Variants in VMP1 observed in about 807,000 individuals in gnomAD.
VMP1 encodes the protein ectopic P-granules autophagy protein 3 homolog.
VMP1 carries 11 observed loss-of-function variants against 56.0 expected under a neutral mutation model. The observed-to-expected ratio is 0.20, with a 90% CI of 0.12 to 0.32. VMP1 has a LOEUF of 0.32. Ranked by LOEUF, VMP1 falls within the 10% of genes least tolerant of loss-of-function variation. VMP1 has a pLI of 1.00. For synonymous variants in VMP1, 149 were observed against 165.0 expected (o/e 0.90, Z 0.74); for missense variants, 296 against 490.3 (o/e 0.60, Z 3.74).
intron 7 of VMP1, among the ~76,000 whole-genome samples, chr17:59,782,054 A>G (rs1277843669): frequency 6.6e-6 from 1 of 152,084 alleles, no homozygotes; most frequent in Non-Finnish European, 1.5e-5. Flanking sequence ...GATTACAGGC[A>G]CATGTCACCA....
intron 7 of VMP1, among the ~76,000 whole-genome samples, chr17:59,785,746 A>G: frequency 6.6e-6 from 1 of 151,208 alleles, no homozygotes; most frequent in Non-Finnish European, 1.5e-5. Flanking sequence ...CTATTTTCAT[A>G]TCAATTAGCT....
intron 5 of VMP1, among the ~76,000 whole-genome samples, chr17:59,748,631 A>G (rs1022439783): frequency 1.4e-4 from 21 of 152,240 alleles, no homozygotes; most frequent in Admixed American, 1.2e-3. Flanking sequence ...AAGGTATTCA[A>G]TAAATGATTG....
At chr17:59,817,296 A>G (rs1363324933) in intron 9 of VMP1, among the ~76,000 whole-genome samples, 1 of 151,110 alleles carries the variant, frequency 6.6e-6, no homozygotes, top group Non-Finnish European at 1.5e-5. Context: ...AAAAAAAAAA[A>G]AAAAAAAAGG....
intron 5 of VMP1, among the ~76,000 whole-genome samples, chr17:59,742,271 G>T (rs561781705): frequency 6.6e-6 from 1 of 152,162 alleles, no homozygotes; most frequent in African/African-American, 2.4e-5. Flanking sequence ...GCTTTGGGAG[G>T]CCAAGGCAGG....
At chr17:59,713,683 CTTT>C (rs3064256) in intron 1 of VMP1, among the ~76,000 whole-genome samples, 13,625 of 108,658 alleles carry the variant, frequency 0.13, 850 homozygotes, top group East Asian at 0.42. Context: ...CCCCATCTCT[CTTT>C]TTTTTTTTTT....
At chr17:59,709,732 G>T (rs923854058) in intron 1 of VMP1, among the ~76,000 whole-genome samples, 3 of 152,058 alleles carry the variant, frequency 2.0e-5, no homozygotes, top group African/African-American at 4.8e-5. Flanking sequence ...TAATAAATAG[G>T]TTCCTGGAAA....
At chr17:59,797,612 C>T (rs2037490212) in intron 7 of VMP1, among the ~76,000 whole-genome samples, 1 of 152,302 alleles carries the variant, frequency 6.6e-6, no homozygotes, top group East Asian at 1.9e-4. Flanking sequence ...CACAGTGGCT[C>T]ACGCCTGTAA....
At position 59,771,842 on chromosome 17, in the gene VMP1, A is replaced by G. The variant is rs531979338; in HGVS notation, c.583-1912A>G. Among the ~76,000 whole-genome samples, 13 of 151,020 alleles carry G rather than the reference A, an allele frequency of 8.6e-5. No homozygotes were observed. In the East Asian group the frequency reaches 2.5e-3, roughly 29 times the overall value. On this transcript the variant is annotated intron_variant, in intron 6 of 11. Coordinates refer to ENST00000262291, the MANE Select transcript of VMP1 (RefSeq NM_030938.5). Reference sequence around the variant, plus strand: ...GCAATACACCTGCCTCAGCCTCCCAAAGTTCTGGGATGATAGGTGCGAGCC... The same window carrying G: ...GCAATACACCTGCCTCAGCCTCCCAGAGTTCTGGGATGATAGGTGCGAGCC...
intron 10 of VMP1, among the ~76,000 whole-genome samples, chr17:59,836,320 C>G (rs2038980602): frequency 6.6e-6 from 1 of 151,864 alleles, no homozygotes; most frequent in Admixed American, 6.6e-5. Flanking sequence ...ACTGTAGCCT[C>G]CTGAGTAGCA....
intron 1 of VMP1, among the ~76,000 whole-genome samples, chr17:59,728,810 AT>A (rs777493962): frequency 9.2e-5 from 14 of 152,156 alleles, no homozygotes; most frequent in Non-Finnish European, 1.3e-4. Context: ...AAACAGCTTT[AT>A]TGAAACATAA....
At chr17:59,821,659 TCTC>T (rs2144276344) in intron 10 of VMP1, among the ~76,000 whole-genome samples, 1 of 151,038 alleles carries the variant, frequency 6.6e-6, no homozygotes, top group East Asian at 1.9e-4. Context: ...TTCAAGCAAT[TCTC>T]CTGACTCAGC....
Position 59,789,644 on chromosome 17 carries a change from G to A in VMP1, c.714+15759G>A, listed in dbSNP as rs192667989. On this transcript the variant is annotated intron_variant, in intron 7 of 11. Coordinates refer to ENST00000262291, the MANE Select transcript of VMP1 (RefSeq NM_030938.5). ...AATACAAACCCACCCTTTGTTATAA[G>A]TGCTGAGTGCTTTGAGGGGTACATC... Among the ~76,000 whole-genome samples the A allele has an allele frequency of 3.2e-3, 494 of 152,168 alleles. 7 individuals carry two copies. The highest frequency in any genetic ancestry group is 0.014 in the Middle Eastern group (4 of 294).
intron 1 of VMP1, among the ~76,000 whole-genome samples, chr17:59,712,481 G>A: frequency 6.6e-6 from 1 of 152,174 alleles, no homozygotes; most frequent in Non-Finnish European, 1.5e-5. Flanking sequence ...GGAATGGAAA[G>A]ATCATTTTCC....
chr17:59,781,718 A>G (rs1568135254), intron 7 of VMP1, among the ~76,000 whole-genome samples: 1 of 152,180 alleles, frequency 6.6e-6, no homozygotes, highest in Non-Finnish European at 1.5e-5. Context: ...TAAGTTTATT[A>G]TAATGAAATG....
chr17:59,718,829 C>T (rs2034276760), intron 1 of VMP1, among the ~76,000 whole-genome samples: 1 of 151,924 alleles, frequency 6.6e-6, no homozygotes. Context: ...GCCATCACAC[C>T]CAGCCCTCCC....
Position 59,732,532 on chromosome 17 carries a change from C to T in VMP1, c.76+1010C>T, listed in dbSNP as rs548191250. On this transcript the variant is annotated intron_variant, in intron 2 of 11. Transcript: ENST00000262291. ...TGCTGGGATTACAGGCATGAGCCAC[C>T]GCGCCCGGCCTCATTTGTTTGTTAA... Among the ~76,000 whole-genome samples, 63 of 133,664 alleles carry T rather than the reference C, an allele frequency of 4.7e-4. 1 individual carries two copies. The South Asian group carries it at 0.013, about 28-fold the overall frequency. The allele number at this position is 133,664 out of a possible 152,430, so 87.7% of individuals were successfully genotyped here.
At chr17:59,763,195 A>G (rs770028515) in intron 5 of VMP1, among the ~76,000 whole-genome samples, 3 of 151,952 alleles carry the variant, frequency 2.0e-5, no homozygotes, top group Non-Finnish European at 2.9e-5. Flanking sequence ...TTGTATGAGG[A>G]GAAATGTTTC....
Position 59,757,859 on chromosome 17 carries a change from CTTTTTTTTTT to C in VMP1, c.415-7096_415-7087del, listed in dbSNP as rs66605258. The stretch of plus-strand genomic sequence containing the variant: ...AAATAAAACAGACCTTTATTTGCCA[CTTTTTTTTTT>C]TTTTTTTTTTTTTTTAAGACAGGGT... On this transcript the variant is annotated intron_variant, in intron 5 of 11. Transcript: ENST00000262291. Among the ~76,000 whole-genome samples, 47 of 91,294 alleles carry C rather than the reference CTTTTTTTTTT, an allele frequency of 5.1e-4. 1 individual carries two copies. Among genetic ancestry groups the C allele is most frequent in the Middle Eastern group, 0.01 (1 of 96 alleles). The allele number at this position is 91,294 out of a possible 152,430, so 59.9% of individuals were successfully genotyped here. A position where few individuals can be genotyped will look rare whatever the true frequency, so the allele number is the denominator to read the frequency against.
chr17:59,827,871 C>A (rs2144307302), intron 10 of VMP1, among the ~76,000 whole-genome samples: 1 of 152,064 alleles, frequency 6.6e-6, no homozygotes, highest in South Asian at 2.1e-4. Flanking sequence ...GAGGTCAAGG[C>A]TGCAGTGAGT....
Sources: gnomAD v4.1 joint callset for allele counts (sites outside exome capture counted in the v4.1 genomes callset) on GRCh38, gnomAD v4.1.1 for gene constraint, MANE v1.5 for transcripts, NCBI Gene and HGNC (gene_info 2026-07-23, HGNC 2026-07-21) for gene names.